The following LRRC37A2 variants were observed in gnomAD, a reference collection of about 807,000 sequenced individuals.
The protein encoded by LRRC37A2 is leucine-rich repeat-containing protein 37A2.
In LRRC37A2, 9 loss-of-function variants were observed where a neutral mutation model predicts 68.8. That is an observed-to-expected ratio of 0.13 (90% CI 0.08 to 0.23). The LOEUF is 0.23. Ranked by LOEUF, LRRC37A2 falls within the 10% of genes least tolerant of loss-of-function variation. The pLI is 1.00. For synonymous variants in LRRC37A2, 63 were observed against 367.6 expected (o/e 0.17, Z 9.48); for missense variants, 168 against 950.4 (o/e 0.18, Z 10.82).
the LRRC37A2 span, among the ~76,000 whole-genome samples, chr17:46,992,959 T>C: frequency 1.1e-4 from 16 of 151,828 alleles, no homozygotes; most frequent in African/African-American, 3.9e-4. Flanking sequence ...GTGTAGCATG[T>C]GACTCCTTTC....
chr17:46,568,531 G>A, the LRRC37A2 span, among the ~76,000 whole-genome samples: 1 of 107,514 alleles, frequency 9.3e-6, no homozygotes, highest in Non-Finnish European at 1.9e-5. Flanking sequence ...GAGGCCAGGC[G>A]AGGTGGCTCA....
the LRRC37A2 span, among the ~76,000 whole-genome samples, chr17:46,765,486 T>G: frequency 6.6e-6 from 1 of 152,262 alleles, no homozygotes; most frequent in Non-Finnish European, 1.5e-5. Flanking sequence ...ACAAGCCATT[T>G]GACAGGCGCT....
At chr17:46,989,994 GT>G in the LRRC37A2 span, among the ~76,000 whole-genome samples, 1 of 152,190 alleles carries the variant, frequency 6.6e-6, no homozygotes, top group Non-Finnish European at 1.5e-5. Context: ...AAGCCATTCC[GT>G]TTTGGGGTTG....
the LRRC37A2 span, chr17:46,773,897 C>T: frequency 6.2e-7 from 1 of 1,611,792 alleles, no homozygotes; most frequent in Non-Finnish European, 8.5e-7. Context: ...ACTGCTGGCC[C>T]AGGGCCAGGG....
the LRRC37A2 span, chr17:46,721,678 C>T: frequency 6.2e-7 from 1 of 1,604,428 alleles, no homozygotes; most frequent in Non-Finnish European, 8.5e-7. Context: ...CCACATTGTT[C>T]TGCTGTGCTT....
the LRRC37A2 span, among the ~76,000 whole-genome samples, chr17:47,048,035 T>C: frequency 5.9e-5 from 8 of 134,454 alleles, no homozygotes; most frequent in South Asian, 2.6e-4. Context: ...CAGTGTTGCT[T>C]ATTTTTCAAA....
chr17:46,768,876 T>G, the LRRC37A2 span: 2 of 1,563,476 alleles, frequency 1.3e-6, no homozygotes, highest in Non-Finnish European at 1.7e-6. This position sits in a 1 kb window ranked among gnomAD's most constrained non-coding sequence, Gnocchi z 5.0. Context: ...TCTCTGCCAC[T>G]GCCCACCCCC....
the LRRC37A2 span, among the ~76,000 whole-genome samples, chr17:46,676,298 T>C: frequency 9.1e-5 from 13 of 142,166 alleles, no homozygotes; most frequent in Non-Finnish European, 1.8e-4. Context: ...AATGGCGTGA[T>C]CTCGGCTCAC....
the LRRC37A2 span, among the ~76,000 whole-genome samples, chr17:46,761,334 G>T: frequency 2.3e-3 from 314 of 137,588 alleles, 1 homozygote; most frequent in Middle Eastern, 0.011. Context: ...TTTTTTGTTT[G>T]TTTTTTTTTT....
At chr17:46,943,655 C>T in the LRRC37A2 span, among the ~76,000 whole-genome samples, 27 of 152,182 alleles carry the variant, frequency 1.8e-4, no homozygotes, top group Admixed American at 4.6e-4. Flanking sequence ...CAGGAGAGCA[C>T]TTGAGCCCAT....
chr17:46,817,448 GC>G, the LRRC37A2 span, among the ~76,000 whole-genome samples: 1 of 152,336 alleles, frequency 6.6e-6, no homozygotes, highest in Non-Finnish European at 1.5e-5. Context: ...AATGTAGGGG[GC>G]TGGAGACTGG....
At chr17:46,932,493 G>A in the LRRC37A2 span, 5 of 592,398 alleles carry the variant, frequency 8.4e-6, no homozygotes, top group Non-Finnish European at 1.5e-5. Flanking sequence ...TTCACATGGT[G>A]GAAACGTTTT....
the LRRC37A2 span, among the ~76,000 whole-genome samples, chr17:46,714,994 A>G: frequency 3.1e-4 from 47 of 152,316 alleles, 1 homozygote; most frequent in East Asian, 8.7e-3. Context: ...AAAGAGACTG[A>G]AGAAGAGAAA....
the LRRC37A2 span, among the ~76,000 whole-genome samples, chr17:46,622,142 C>T: frequency 7.0e-6 from 1 of 142,508 alleles, no homozygotes; most frequent in East Asian, 2.2e-4. Context: ...GTAGAGTAGA[C>T]ATGTAGAGTG....
At chr17:47,020,272 G>T in the LRRC37A2 span, among the ~76,000 whole-genome samples, 1 of 137,012 alleles carries the variant, frequency 7.3e-6, no homozygotes, top group African/African-American at 2.8e-5. Context: ...ATGCTAGTTT[G>T]CATTTCATAG....
chr17:46,760,239 T>C, the LRRC37A2 span, among the ~76,000 whole-genome samples: 1 of 151,484 alleles, frequency 6.6e-6, no homozygotes, highest in Admixed American at 6.6e-5. Flanking sequence ...CTGAGTGACA[T>C]AGACACTTGT....
At chr17:46,987,885 G>A in the LRRC37A2 span, among the ~76,000 whole-genome samples, 3 of 152,328 alleles carry the variant, frequency 2.0e-5, no homozygotes, top group Admixed American at 6.5e-5. Flanking sequence ...GAAACATTAC[G>A]TTAAGTCCGG....
chr17:46,914,430 C>T, the LRRC37A2 span, among the ~76,000 whole-genome samples: 1 of 151,918 alleles, frequency 6.6e-6, no homozygotes, highest in African/African-American at 2.4e-5. Context: ...AAGTGGATCA[C>T]CTGAGGTCAG....
chr17:46,817,014 G>GC, the LRRC37A2 span, among the ~76,000 whole-genome samples: 7 of 152,166 alleles, frequency 4.6e-5, no homozygotes, highest in Non-Finnish European at 7.3e-5. Context: ...GGTTAGCCCA[G>GC]CCCCCCGGAA....
Sources: allele counts gnomAD v4.1 joint callset (sites outside exome capture counted in the v4.1 genomes callset), GRCh38; gene constraint gnomAD v4.1.1; non-coding constraint Gnocchi (gnomAD v3.1); transcripts MANE v1.5; gene names NCBI Gene and HGNC (gene_info 2026-07-23, HGNC 2026-07-21).